PAPPA2: variants seen among roughly 807,000 people sequenced by gnomAD.
The protein encoded by PAPPA2 is pappalysin 2.
A neutral mutation model predicts 176.4 loss-of-function variants in PAPPA2; 86 were observed. That is an observed-to-expected ratio of 0.49 (90% CI 0.41 to 0.58). The LOEUF is 0.58. Ranked by LOEUF, PAPPA2 falls within the 20% of genes least tolerant of loss-of-function variation. The pLI is 0.00. For missense variants in PAPPA2, 2,073 were observed against 2,256.9 expected, an observed-to-expected ratio of 0.92 and a Z score of 1.65; for synonymous variants, 809 against 852.2, an observed-to-expected ratio of 0.95 and a Z score of 0.88.
chr1:176,820,651 T>G (rs1373473424), intron 21 of PAPPA2, among the ~76,000 whole-genome samples: 1 of 152,164 alleles, frequency 6.6e-6, no homozygotes, highest in African/African-American at 2.4e-5. Context: ...GTTTTTCTTT[T>G]CTTCTCCCTT....
intron 2 of PAPPA2, among the ~76,000 whole-genome samples, chr1:176,586,999 A>C (rs1255233335): frequency 6.6e-6 from 1 of 152,112 alleles, no homozygotes. Context: ...CTGGCAGGAG[A>C]TGGTGTCTCA....
chr1:176,565,753 G>A (rs1410853145), intron 2 of PAPPA2, among the ~76,000 whole-genome samples: 1 of 152,022 alleles, frequency 6.6e-6, no homozygotes, highest in Non-Finnish European at 1.5e-5. Flanking sequence ...GCCACTGTTA[G>A]CATCTGAGAA....
intron 3 of PAPPA2, among the ~76,000 whole-genome samples, chr1:176,643,529 C>T (rs865918093): frequency 2.9e-4 from 44 of 151,516 alleles, no homozygotes; most frequent in African/African-American, 1.0e-3. Flanking sequence ...TTTGCAGATT[C>T]CTGGTCTAGA....
intron 1 of PAPPA2, among the ~76,000 whole-genome samples, chr1:176,521,130 G>T (rs1197363010): frequency 6.6e-6 from 1 of 151,940 alleles, no homozygotes; most frequent in African/African-American, 2.4e-5. Flanking sequence ...GAGAGAGAGA[G>T]AGAGTAGGGC....
At chr1:176,786,372 T>TG (rs1557870682) in intron 17 of PAPPA2, among the ~76,000 whole-genome samples, 1 of 151,236 alleles carries the variant, frequency 6.6e-6, no homozygotes, top group South Asian at 2.1e-4. Flanking sequence ...GCTGTGAGGG[T>TG]GGGGGGATTT....
chr1:176,716,231 C>CTTTTT (rs371904164), intron 12 of PAPPA2, among the ~76,000 whole-genome samples: 375 of 133,148 alleles, frequency 2.8e-3, no homozygotes, highest in African/African-American at 4.2e-3. Flanking sequence ...TAACCTCTTT[C>CTTTTT]TTTTTTTTTT....
chr1:176,604,188 G>T (rs1228521714), intron 3 of PAPPA2, among the ~76,000 whole-genome samples: 1 of 152,128 alleles, frequency 6.6e-6, no homozygotes, highest in Non-Finnish European at 1.5e-5. Flanking sequence ...GCCTTCCCTG[G>T]AGACCTCACG....
chr1:176,465,792 C>T (rs1251875876), intron 1 of PAPPA2, among the ~76,000 whole-genome samples: 5 of 152,052 alleles, frequency 3.3e-5, no homozygotes, highest in Admixed American at 6.6e-5. Flanking sequence ...TCCTCTCCCT[C>T]CTGCCACTCT....
chr1:176,643,669 G>A (rs1205504608), intron 3 of PAPPA2, among the ~76,000 whole-genome samples: 2 of 151,790 alleles, frequency 1.3e-5, no homozygotes, highest in African/African-American at 4.8e-5. Context: ...CCTGGGGAAA[G>A]GGAAATCCAG....
At chr1:176,637,664 G>A (rs895669806) in intron 3 of PAPPA2, among the ~76,000 whole-genome samples, 1 of 152,090 alleles carries the variant, frequency 6.6e-6, no homozygotes, top group Admixed American at 6.6e-5. Context: ...AGGTGAGAAG[G>A]CATGGGATCT....
rs147697955 is a variant in PAPPA2, at chr1:176,467,416, T to A, written c.-917+3998T>A. Among the ~76,000 whole-genome samples, 102 of 152,338 alleles carry A rather than the reference T, an allele frequency of 6.7e-4. No homozygotes were observed. In the East Asian group the frequency reaches 0.017, roughly 26 times the overall value. Reference sequence around the variant, plus strand: ...AGAAGTGTTGGCATGTTGCATTTGTTGGAAACAGAGAATAGCACTTGCCTT... The same window carrying A: ...AGAAGTGTTGGCATGTTGCATTTGTAGGAAACAGAGAATAGCACTTGCCTT... On this transcript the variant is annotated intron_variant, in intron 1 of 22. Coordinates refer to ENST00000367662, the MANE Select transcript of PAPPA2 (RefSeq NM_020318.3).
intron 5 of PAPPA2, chr1:176,690,747 A>C: frequency 2.6e-6 from 3 of 1,142,644 alleles, no homozygotes; most frequent in Non-Finnish European, 3.2e-6. Context: ...GAATGTGGTT[A>C]TTCTTATTTT....
intron 22 of PAPPA2, among the ~76,000 whole-genome samples, chr1:176,840,745 A>T (rs550952320): frequency 5.8e-4 from 88 of 152,292 alleles, no homozygotes; most frequent in African/African-American, 2.1e-3. Flanking sequence ...GTGAGCAATT[A>T]TCCTTTCTAA....
chr1:176,679,663 A>C (rs1558514579), intron 4 of PAPPA2, among the ~76,000 whole-genome samples: 2 of 152,184 alleles, frequency 1.3e-5, no homozygotes, highest in African/African-American at 4.8e-5. Flanking sequence ...TCTGCAAGGA[A>C]GGCTGGTGCA....
chr1:176,791,098 A>G (rs1432534197), intron 18 of PAPPA2, among the ~76,000 whole-genome samples: 1 of 152,020 alleles, frequency 6.6e-6, no homozygotes, highest in African/African-American at 2.4e-5. Context: ...TATATAAAGG[A>G]AAATACATTG....
At chr1:176,539,957 T>C (rs761929852) in intron 1 of PAPPA2, among the ~76,000 whole-genome samples, 13 of 152,256 alleles carry the variant, frequency 8.5e-5, no homozygotes, top group Non-Finnish European at 1.3e-4. Context: ...TCATTGTCTC[T>C]TGGAAAGCTG....
intron 1 of PAPPA2, among the ~76,000 whole-genome samples, chr1:176,515,853 A>G (rs1648880668): frequency 6.6e-6 from 1 of 152,052 alleles, no homozygotes; most frequent in Non-Finnish European, 1.5e-5. Context: ...TGTGGAAGAC[A>G]TTTCCCTCTT....
intron 17 of PAPPA2, among the ~76,000 whole-genome samples, chr1:176,774,348 A>G (rs1013092598): frequency 6.6e-6 from 1 of 152,094 alleles, no homozygotes; most frequent in Non-Finnish European, 1.5e-5. Flanking sequence ...CTGCCTATGG[A>G]TATTGCTGCT....
At chr1:176,654,375 T>C (rs1223822128) in intron 3 of PAPPA2, among the ~76,000 whole-genome samples, 1 of 151,034 alleles carries the variant, frequency 6.6e-6, no homozygotes, top group African/African-American at 2.4e-5. Context: ...AGATATAAGG[T>C]TTTATTTTGA....
Sources: gnomAD v4.1 joint callset for allele counts (sites outside exome capture counted in the v4.1 genomes callset) on GRCh38, gnomAD v4.1.1 for gene constraint, MANE v1.5 for transcripts, NCBI Gene and HGNC (gene_info 2026-07-23, HGNC 2026-07-21) for gene names.